Variants in HDAC9 observed in about 807,000 individuals in gnomAD.
The protein encoded by HDAC9 is histone deacetylase 9.
A neutral mutation model predicts 139.4 loss-of-function variants in HDAC9; 41 were observed. The ratio of observed to expected loss-of-function variants is 0.29; its 90% CI spans 0.23 to 0.38. HDAC9 has a LOEUF of 0.38. Among genes scored for constraint, HDAC9 ranks in the 10% least tolerant of loss-of-function variants. The probability of loss-of-function intolerance (pLI) is 1.00; values close to 1 mark genes in which losing one functional copy is unlikely to be tolerated. For synonymous variants in HDAC9, 517 were observed against 476.2 expected, an observed-to-expected ratio of 1.09 and a Z score of -1.12; for missense variants, 1,147 against 1,297.0, an observed-to-expected ratio of 0.88 and a Z score of 1.78.
At chr7:18,697,724 A>G (rs1441640400) in intron 12 of HDAC9, among the ~76,000 whole-genome samples, 2 of 152,138 alleles carry the variant, frequency 1.3e-5, no homozygotes, top group Non-Finnish European at 2.9e-5. Flanking sequence ...AATTCCTTTC[A>G]GGGGTCTTGG....
chr7:18,163,735 T>G (rs950386527), intron 2 of HDAC9, among the ~76,000 whole-genome samples: 4 of 152,208 alleles, frequency 2.6e-5, no homozygotes, highest in Non-Finnish European at 5.9e-5. Flanking sequence ...AACATTTACC[T>G]TATATAGGTG....
intron 12 of HDAC9, among the ~76,000 whole-genome samples, chr7:18,675,821 G>C (rs1178408925): frequency 1.3e-5 from 2 of 151,904 alleles, no homozygotes; most frequent in African/African-American, 4.8e-5. Context: ...TCTCAGGCTG[G>C]AATGTTCTTT....
At chr7:18,152,615 T>C (rs1373870407) in intron 1 of HDAC9, among the ~76,000 whole-genome samples, 1 of 152,176 alleles carries the variant, frequency 6.6e-6, no homozygotes, top group African/African-American at 2.4e-5. Context: ...GTTCTTGGAC[T>C]GTACTCTGAG....
intron 22 of HDAC9, chr7:18,899,185 C>T (rs1273096257): frequency 1.3e-5 from 2 of 152,106 alleles, no homozygotes; most frequent in African/African-American, 2.4e-5. Flanking sequence ...GCTAGACTGT[C>T]GTCCCTATTA....
At chr7:18,330,257 G>A (rs73307404) in intron 1 of HDAC9, among the ~76,000 whole-genome samples, 2,579 of 151,624 alleles carry the variant, frequency 0.017, 79 homozygotes, top group African/African-American at 0.059. Flanking sequence ...GTGAGTAGAT[G>A]TGTGGTGTGG....
At chr7:18,850,081 T>TAAAAAAAAAAAAAAA (rs11327408) in intron 21 of HDAC9, among the ~76,000 whole-genome samples, 14 of 82,262 alleles carry the variant, frequency 1.7e-4, no homozygotes, top group East Asian at 7.4e-4. Context: ...AAAGCCTGAG[T>TAAAAAAAAAAAAAAA]AAAAAAAAAA....
chr7:18,185,938 T>TGGGA (rs1442531566), intron 2 of HDAC9, among the ~76,000 whole-genome samples: 1 of 152,240 alleles, frequency 6.6e-6, no homozygotes, highest in African/African-American at 2.4e-5. Context: ...TCTGTAAAAC[T>TGGGA]GGGATATCAC....
intron 2 of HDAC9, among the ~76,000 whole-genome samples, chr7:18,208,534 C>G (rs546740850): frequency 1.3e-5 from 2 of 152,034 alleles, no homozygotes; most frequent in African/African-American, 4.8e-5. Context: ...CACCACCACA[C>G]CTGACTAATT....
At chr7:18,621,141 A>G (rs1166257142) in intron 6 of HDAC9, among the ~76,000 whole-genome samples, 1 of 152,000 alleles carries the variant, frequency 6.6e-6, no homozygotes, top group Admixed American at 6.5e-5. Context: ...AACATAATAG[A>G]TTTTTAAGTG....
At chr7:18,738,535 A>T (rs1787140048) in intron 13 of HDAC9, among the ~76,000 whole-genome samples, 3 of 152,184 alleles carry the variant, frequency 2.0e-5, no homozygotes, top group African/African-American at 7.2e-5. Context: ...GTTTGGCTGG[A>T]TATGAAATTC....
At chr7:18,287,288 A>T (rs115151361), upstream of HDAC9, among the ~76,000 whole-genome samples, 2,298 of 151,782 alleles carry the variant, frequency 0.015, 60 homozygotes, top group African/African-American at 0.053. Flanking sequence ...ATGAAAAAAT[A>T]ATATATTCTT....
At chr7:18,104,322 A>G (rs968606476) in intron 1 of HDAC9, among the ~76,000 whole-genome samples, 2 of 152,144 alleles carry the variant, frequency 1.3e-5, no homozygotes, top group African/African-American at 4.8e-5. Context: ...GTGATCATAC[A>G]TCATAGAGAT....
chr7:18,649,493 C>T (rs1023034899), intron 11 of HDAC9, among the ~76,000 whole-genome samples: 11 of 152,068 alleles, frequency 7.2e-5, no homozygotes, highest in African/African-American at 2.7e-4. Context: ...TGCCTTTGTG[C>T]TGTATCATCT....
intron 2 of HDAC9, among the ~76,000 whole-genome samples, chr7:18,556,336 C>T (rs1182478172): frequency 1.3e-5 from 2 of 151,988 alleles, no homozygotes; most frequent in African/African-American, 4.8e-5. Context: ...TTTATTAAAT[C>T]ATTTATTCAT....
In HDAC9 at chr7:18,935,834, G is replaced by A. The variant is rs1317079655; in HGVS notation, c.2829G>A (p.Leu943=). ...AKCFGHLTKQ[L]MTLADGRVVL... ...GTTTTGGTCATTTGACGAAGCAATT[G>A]ATGACATTGGCTGATGGACGTGTGG... Residue 943 remains leucine (L), a synonymous_variant, in exon 23 of 26, where the codon TTG becomes TTA. Transcript: ENST00000686413. 6.2e-7 allele frequency: 1 copy of A among 1,613,576 alleles called. No homozygotes were observed. The highest frequency in any genetic ancestry group is 8.5e-7 in the Non-Finnish European group (1 of 1,179,698).
intron 12 of HDAC9, among the ~76,000 whole-genome samples, chr7:18,675,398 G>A (rs1352374105): frequency 2.0e-5 from 3 of 152,026 alleles, no homozygotes; most frequent in Non-Finnish European, 4.4e-5. Context: ...TTTGTTAAAT[G>A]TGGTCAGGAA....
intron 1 of HDAC9, among the ~76,000 whole-genome samples, chr7:18,384,734 C>T (rs1002602898): frequency 6.6e-6 from 1 of 151,248 alleles, no homozygotes; most frequent in Non-Finnish European, 1.5e-5. Flanking sequence ...TTATGGATCT[C>T]TGCCCTGCTT....
Position 18,835,883 on chromosome 7 carries a change from T to C in HDAC9, c.2587-17T>C. The C allele has an allele frequency of 6.7e-7, 1 of 1,502,526 alleles. No individual in the cohort carries two copies. Among genetic ancestry groups the C allele is most frequent in the East Asian group, 2.4e-5 (1 of 40,942 alleles). 93.1% of individuals were successfully genotyped at this position (1,502,526 alleles called of 1,614,324 possible). ...GCTCTCTTCTCTGCCCACCGTGGTG[T>C]GTCTTTCTCTTCCCAGGTTGGAACA... On this transcript the variant is annotated splice_polypyrimidine_tract_variant and intron_variant, in intron 20 of 25. Coordinates refer to ENST00000686413, the MANE Select transcript of HDAC9 (RefSeq NM_178425.4).
At position 18,248,754 on chromosome 7, in the gene HDAC9, T is replaced by G. The variant is rs1001710774; in HGVS notation, c.25+86405T>G. Among the ~76,000 whole-genome samples the G allele has an allele frequency of 2.0e-5, 3 of 152,218 alleles. No individual in the cohort carries two copies. In the South Asian group the frequency reaches 6.2e-4, roughly 32 times the overall value. On this transcript the variant is annotated intron_variant, in intron 2 of 12. Transcript: ENST00000417496. ...AAGGAACGTTTCCTCCAAGAACTAT[T>G]TGGCTTATTTATCTGCTATGTGCCA...
Sources: gnomAD v4.1 joint callset for allele counts (sites outside exome capture counted in the v4.1 genomes callset) on GRCh38, gnomAD v4.1.1 for gene constraint, MANE v1.5 for transcripts, NCBI Gene and HGNC (gene_info 2026-07-23, HGNC 2026-07-21) for gene names.